The following COLEC12 variants were observed in gnomAD, a reference collection of about 807,000 sequenced individuals.
COLEC12 encodes collectin subfamily member 12.
COLEC12 carries 33 observed loss-of-function variants against 71.1 expected under a neutral mutation model. The observed-to-expected ratio is 0.46, with a 90% CI of 0.35 to 0.62. The LOEUF (loss-of-function observed/expected upper bound fraction) is 0.62, where lower values mean the gene tolerates loss of function less well. Among genes scored for constraint, COLEC12 ranks in the 20% least tolerant of loss-of-function variants. COLEC12 has a pLI of 0.00. For synonymous variants in COLEC12, 350 were observed against 353.0 expected (o/e 0.99, Z 0.10); for missense variants, 765 against 916.1 (o/e 0.84, Z 2.13).
intron 2 of COLEC12, among the ~76,000 whole-genome samples, chr18:476,460 A>G (rs1567919839): frequency 6.6e-6 from 1 of 152,340 alleles, no homozygotes; most frequent in East Asian, 1.9e-4. Flanking sequence ...CACAGGCTGA[A>G]CCATGTATCT....
intron 2 of COLEC12, among the ~76,000 whole-genome samples, chr18:454,942 T>C (rs1322414568): frequency 6.6e-6 from 1 of 152,186 alleles, no homozygotes; most frequent in Non-Finnish European, 1.5e-5. Context: ...AGAAAGGGCT[T>C]CCTATACTCA....
In COLEC12 at chr18:474,709, C is replaced by A. The variant is rs934671942; in HGVS notation, c.58+5998G>T. Among the ~76,000 whole-genome samples the A allele has an allele frequency of 2.0e-5, 3 of 152,228 alleles. No homozygotes were observed. The South Asian group carries it at 6.2e-4, about 32-fold the overall frequency. ...GATAAAGAGCTACTCTGTGACTCCC[C>A]TTCCAGCTCTGTCAGCCTGAGAATC... is the stretch of plus-strand genomic sequence containing the variant. On this transcript the variant is annotated intron_variant, in intron 2 of 9. Transcript: ENST00000400256.
chr18:371,446 C>T (rs936693353), intron 2 of COLEC12, among the ~76,000 whole-genome samples: 3 of 152,096 alleles, frequency 2.0e-5, no homozygotes, highest in South Asian at 2.1e-4. Context: ...GCACAAATCA[C>T]GGAAGAGAAA....
At chr18:445,280 C>CA (rs1916624165) in intron 2 of COLEC12, among the ~76,000 whole-genome samples, 1 of 152,106 alleles carries the variant, frequency 6.6e-6, no homozygotes, top group Non-Finnish European at 1.5e-5. Context: ...AATCATTATC[C>CA]ATCTCTCCTA....
At chr18:452,040 T>C (rs980056066) in intron 2 of COLEC12, among the ~76,000 whole-genome samples, 2 of 152,260 alleles carry the variant, frequency 1.3e-5, no homozygotes, top group Non-Finnish European at 2.9e-5. Flanking sequence ...CCTTTTCTCA[T>C]ACCTAGATGG....
intron 8 of COLEC12, among the ~76,000 whole-genome samples, chr18:325,626 C>CTT (rs1567872998): frequency 1.8e-5 from 1 of 55,942 alleles, no homozygotes; most frequent in East Asian, 8.5e-4. Context: ...AAAGGATCAG[C>CTT]CTTTTTTTTT....
intron 2 of COLEC12, among the ~76,000 whole-genome samples, chr18:365,098 G>A (rs888929503): frequency 2.0e-5 from 3 of 152,000 alleles, no homozygotes; most frequent in Non-Finnish European, 4.4e-5. Flanking sequence ...AAAGGGGTGC[G>A]GAAACATCCT....
At chr18:465,539 C>T (rs8086857) in intron 2 of COLEC12, among the ~76,000 whole-genome samples, 58,403 of 152,040 alleles carry the variant, frequency 0.38, 12,314 homozygotes, top group South Asian at 0.57. Flanking sequence ...ATACAAATCT[C>T]TTAAAAATAA....
intron 2 of COLEC12, among the ~76,000 whole-genome samples, chr18:443,179 T>C (rs151336161): frequency 6.6e-6 from 1 of 152,374 alleles, no homozygotes; most frequent in Non-Finnish European, 1.5e-5. Context: ...TCTTTCCAAT[T>C]GCTTTGTAAG....
chr18:469,466 T>C (rs145054264), intron 2 of COLEC12, among the ~76,000 whole-genome samples: 1 of 152,190 alleles, frequency 6.6e-6, no homozygotes, highest in Non-Finnish European at 1.5e-5. Flanking sequence ...TCCAACACAT[T>C]ATGGATAGGT....
chr18:473,807 A>G (rs1446347090), intron 2 of COLEC12, among the ~76,000 whole-genome samples: 1 of 152,244 alleles, frequency 6.6e-6, no homozygotes, highest in Non-Finnish European at 1.5e-5. Flanking sequence ...TGTCTTAACC[A>G]AAACAGAGCT....
chr18:324,473 C>T (rs990306379), intron 8 of COLEC12, among the ~76,000 whole-genome samples: 10 of 148,504 alleles, frequency 6.7e-5, no homozygotes, highest in Non-Finnish European at 1.3e-4. Flanking sequence ...CTGATTGCTC[C>T]AGTAAGCTGG....
intron 2 of COLEC12, among the ~76,000 whole-genome samples, chr18:476,308 A>C (rs1183254727): frequency 6.6e-6 from 1 of 152,182 alleles, no homozygotes; most frequent in African/African-American, 2.4e-5. Context: ...CAGATCTTTT[A>C]CTCTCATAGC....
chr18:396,790 G>A (rs534037070), intron 2 of COLEC12, among the ~76,000 whole-genome samples: 6 of 152,310 alleles, frequency 3.9e-5, no homozygotes, highest in African/African-American at 1.4e-4. Context: ...GAAAAGTGAC[G>A]AGAACTCTAA....
At chr18:394,778 A>T (rs1463727464) in intron 2 of COLEC12, among the ~76,000 whole-genome samples, 1 of 152,020 alleles carries the variant, frequency 6.6e-6, no homozygotes, top group East Asian at 1.9e-4. Context: ...GCGCCACTTG[A>T]CTCCCAAGCC....
chr18:345,341 A>G (rs116687238), intron 5 of COLEC12, among the ~76,000 whole-genome samples: 2,449 of 152,332 alleles, frequency 0.016, 75 homozygotes, highest in African/African-American at 0.056. Flanking sequence ...GATGATCTGG[A>G]TAACAGTAAA....
intron 3 of COLEC12, among the ~76,000 whole-genome samples, chr18:355,036 A>AATCCATCCATGCATCC (rs1914601555): frequency 6.7e-6 from 1 of 149,176 alleles, no homozygotes; most frequent in African/African-American, 2.5e-5. Flanking sequence ...ACAATCCATC[A>AATCCATCCATGCATCC]ATCCATCCAT....
intron 1 of COLEC12, among the ~76,000 whole-genome samples, chr18:489,006 G>GGA (rs990384843): frequency 5.3e-5 from 8 of 152,260 alleles, no homozygotes; most frequent in Non-Finnish European, 7.3e-5. Flanking sequence ...CAGCATTGAA[G>GGA]GACATGAGTT....
intron 2 of COLEC12, among the ~76,000 whole-genome samples, chr18:465,153 G>C (rs1331903911): frequency 6.6e-6 from 1 of 152,160 alleles, no homozygotes; most frequent in Non-Finnish European, 1.5e-5. Context: ...ACCCAGACTG[G>C]AGTGCAGTGG....
Sources: gnomAD v4.1 joint callset for allele counts (sites outside exome capture counted in the v4.1 genomes callset) on GRCh38, gnomAD v4.1.1 for gene constraint, MANE v1.5 for transcripts, NCBI Gene and HGNC (gene_info 2026-07-23, HGNC 2026-07-21) for gene names.